Variants in SHISA6 observed in about 807,000 individuals in gnomAD.
SHISA6 encodes protein shisa-6.
In SHISA6, 22 loss-of-function variants were observed where a neutral mutation model predicts 47.9. The observed-to-expected ratio is 0.46, with a 90% CI of 0.33 to 0.66. The LOEUF (loss-of-function observed/expected upper bound fraction) is 0.66. Ranked by LOEUF, SHISA6 falls within the 30% of genes least tolerant of loss-of-function variation. The probability of loss-of-function intolerance (pLI) is 0.02; values close to 1 mark genes in which losing one functional copy is unlikely to be tolerated. For missense variants in SHISA6, 680 were observed against 764.6 expected, an observed-to-expected ratio of 0.89 and a Z score of 1.30; for synonymous variants, 388 against 337.8, an observed-to-expected ratio of 1.15 and a Z score of -1.63.
intron 2 of SHISA6, among the ~76,000 whole-genome samples, chr17:11,340,188 T>C (rs1181245305): frequency 6.6e-6 from 1 of 152,212 alleles, no homozygotes; most frequent in Non-Finnish European, 1.5e-5. Context: ...CTCTGGGGAA[T>C]TTGAGAAATG....
intron 3 of SHISA6, among the ~76,000 whole-genome samples, chr17:11,522,132 AT>A (rs1296481442): frequency 6.7e-6 from 1 of 148,170 alleles, no homozygotes; most frequent in African/African-American, 2.5e-5. Context: ...CGCCCGGCTA[AT>A]TTTTTGTATT....
At chr17:11,275,969 T>A (rs1426575612) in intron 2 of SHISA6, among the ~76,000 whole-genome samples, 4 of 151,188 alleles carry the variant, frequency 2.6e-5, no homozygotes, top group African/African-American at 9.9e-5. Flanking sequence ...GACTAGATTC[T>A]GTTTTTTGTT....
chr17:11,558,675 T>G lies in SHISA6; in HGVS notation c.*371T>G, dbSNP rs1005923648. ...TTCTGTCAGCAGAGAGACCCTTGCTTGACTGTGGTCTGAAGCTGCCTGGGT... is the reference window on the plus strand; with the variant it reads ...TTCTGTCAGCAGAGAGACCCTTGCTGGACTGTGGTCTGAAGCTGCCTGGGT... On this transcript the variant is annotated 3_prime_UTR_variant, in exon 6 of 6. Transcript: ENST00000441885. The G allele has an allele frequency of 1.0e-5, 3 of 293,300 alleles. No individual in the cohort carries two copies. Among genetic ancestry groups the G allele is most frequent in the African/African-American group, 6.4e-5 (3 of 46,682 alleles). The allele number at this position is 293,300 out of a possible 1,614,324, so 18.2% of individuals were successfully genotyped here.
chr17:11,504,132 C>T (rs901136353), intron 3 of SHISA6, among the ~76,000 whole-genome samples: 11 of 152,120 alleles, frequency 7.2e-5, no homozygotes, highest in African/African-American at 2.7e-4. Context: ...AGTCCTTTGG[C>T]CCTCTGCTGA....
intron 2 of SHISA6, among the ~76,000 whole-genome samples, chr17:11,359,838 A>G (rs934453285): frequency 5.9e-5 from 9 of 152,236 alleles, no homozygotes; most frequent in African/African-American, 2.2e-4. Context: ...CCAGGCCTAC[A>G]GAAATAAGAA....
At chr17:11,392,573 T>C (rs1190397477) in intron 3 of SHISA6, among the ~76,000 whole-genome samples, 2 of 152,198 alleles carry the variant, frequency 1.3e-5, no homozygotes, top group Middle Eastern at 3.2e-3. Flanking sequence ...TGCTTTGTCA[T>C]GAATGGAAGC....
chr17:11,386,785 G>A (rs1258352794), intron 3 of SHISA6, among the ~76,000 whole-genome samples: 1 of 152,202 alleles, frequency 6.6e-6, no homozygotes, highest in South Asian at 2.1e-4. Flanking sequence ...GTGCAGGCAA[G>A]TGGGTGTATG....
intron 3 of SHISA6, among the ~76,000 whole-genome samples, chr17:11,465,593 C>A (rs531251184): frequency 1.3e-5 from 2 of 152,208 alleles, no homozygotes; most frequent in South Asian, 4.1e-4. Context: ...GTAGGATATC[C>A]TAGCTACTGC....
At chr17:11,293,836 T>A (rs1461286987) in intron 2 of SHISA6, among the ~76,000 whole-genome samples, 1 of 152,172 alleles carries the variant, frequency 6.6e-6, no homozygotes, top group Non-Finnish European at 1.5e-5. Flanking sequence ...CGCTGCGCAG[T>A]TCGAATAAAT....
At chr17:11,351,879 A>G (rs1597471284) in intron 2 of SHISA6, among the ~76,000 whole-genome samples, 1 of 152,230 alleles carries the variant, frequency 6.6e-6, no homozygotes, top group African/African-American at 2.4e-5. Flanking sequence ...ACCAATGATG[A>G]CCTATAGGTT....
At chr17:11,409,970 G>T (rs1376161657) in intron 3 of SHISA6, among the ~76,000 whole-genome samples, 1 of 152,138 alleles carries the variant, frequency 6.6e-6, no homozygotes, top group Non-Finnish European at 1.5e-5. Flanking sequence ...AAGGTTATAT[G>T]GAGATGAAAA....
At chr17:11,434,604 G>A (rs900421898) in intron 3 of SHISA6, among the ~76,000 whole-genome samples, 2 of 152,116 alleles carry the variant, frequency 1.3e-5, no homozygotes, top group Non-Finnish European at 2.9e-5. Context: ...TTCTTTTTTA[G>A]TTTTTTCAGG....
chr17:11,273,519 A>G (rs1032665882), intron 2 of SHISA6, among the ~76,000 whole-genome samples: 3 of 152,238 alleles, frequency 2.0e-5, no homozygotes, highest in Admixed American at 2.0e-4. Flanking sequence ...GAGAGGAGCA[A>G]CTTGGGCATT....
At position 11,555,910 on chromosome 17, in the gene SHISA6, C is replaced by A. The variant is rs1183326591; in HGVS notation, c.1105+18C>A. 8 of 1,510,294 alleles carry A rather than the reference C, an allele frequency of 5.3e-6. No homozygotes were observed. Among genetic ancestry groups the A allele is most frequent in the Non-Finnish European group, 7.1e-6 (8 of 1,124,596 alleles). 93.6% of individuals were successfully genotyped at this position (1,510,294 alleles called of 1,614,324 possible). The stretch of plus-strand genomic sequence containing the variant: ...GAGGCTAAGTAAGTTGAATTTCCCC[C>A]AAGTTGGGGTCTGTCTCTGGGGCTC... On this transcript the variant is annotated intron_variant, in intron 5 of 5. Coordinates refer to ENST00000441885, the MANE Select transcript of SHISA6 (RefSeq NM_207386.4).
intron 3 of SHISA6, among the ~76,000 whole-genome samples, chr17:11,428,326 A>G (rs747502046): frequency 1.3e-5 from 2 of 152,220 alleles, no homozygotes; most frequent in Non-Finnish European, 2.9e-5. Flanking sequence ...AGTCTTTTAT[A>G]ACGGCGAAGG....
intron 2 of SHISA6, among the ~76,000 whole-genome samples, chr17:11,376,433 T>C (rs111946267): frequency 1.3e-5 from 2 of 151,806 alleles, no homozygotes; most frequent in South Asian, 2.1e-4. Flanking sequence ...TTCTCCTGCC[T>C]CAGGCCTCAG....
At chr17:11,388,142 C>G (rs1245400012) in intron 3 of SHISA6, among the ~76,000 whole-genome samples, 2 of 152,162 alleles carry the variant, frequency 1.3e-5, no homozygotes, top group Non-Finnish European at 2.9e-5. Flanking sequence ...AGAACCCTGC[C>G]TAGATATTTT....
chr17:11,399,508 G>A (rs1913691700), intron 3 of SHISA6, among the ~76,000 whole-genome samples: 1 of 152,070 alleles, frequency 6.6e-6, no homozygotes, highest in African/African-American at 2.4e-5. Context: ...TGCAACCTCC[G>A]CCTCCTGGGT....
intron 3 of SHISA6, among the ~76,000 whole-genome samples, chr17:11,381,876 A>G (rs915402491): frequency 2.0e-5 from 3 of 151,746 alleles, no homozygotes; most frequent in African/African-American, 7.3e-5. Flanking sequence ...CTCCCCATTC[A>G]CTATTTGTGC....
Sources: allele counts gnomAD v4.1 joint callset (sites outside exome capture counted in the v4.1 genomes callset), GRCh38; gene constraint gnomAD v4.1.1; transcripts MANE v1.5; gene names NCBI Gene and HGNC (gene_info 2026-07-23, HGNC 2026-07-21).